PDZD2: variants seen among roughly 807,000 people sequenced by gnomAD.
PDZD2 encodes the protein PDZ domain-containing protein 2.
PDZD2 carries 90 observed loss-of-function variants against 220.7 expected under a neutral mutation model. The ratio of observed to expected loss-of-function variants is 0.41; its 90% CI spans 0.34 to 0.49. The LOEUF is 0.49. PDZD2 is among the 20% of genes least tolerant of loss of function. PDZD2 has a pLI of 0.28. For synonymous variants in PDZD2, 1,375 were observed against 1,450.5 expected (o/e 0.95, Z 1.18); for missense variants, 3,174 against 3,608.5 (o/e 0.88, Z 3.08).
intron 1 of PDZD2, among the ~76,000 whole-genome samples, chr5:31,689,351 A>G (rs867978905): frequency 3.5e-5 from 1 of 28,186 alleles, no homozygotes; most frequent in African/African-American, 3.0e-4. Context: ...ATATATATAT[A>G]TATTTTTTTT....
At chr5:31,928,355 C>G (rs903880718) in intron 2 of PDZD2, among the ~76,000 whole-genome samples, 2 of 152,186 alleles carry the variant, frequency 1.3e-5, no homozygotes, top group Non-Finnish European at 1.5e-5. Flanking sequence ...CTTCTCAAAC[C>G]CATTTGACCA....
At chr5:31,894,435 A>G (rs1052294664) in intron 2 of PDZD2, among the ~76,000 whole-genome samples, 16 of 152,056 alleles carry the variant, frequency 1.1e-4, no homozygotes, top group Admixed American at 9.8e-4. Context: ...GCTGAGTGAC[A>G]TCAAGGAGAT....
chr5:31,680,075 T>C (rs539907834), intron 1 of PDZD2, among the ~76,000 whole-genome samples: 58 of 152,362 alleles, frequency 3.8e-4, no homozygotes, highest in African/African-American at 1.4e-3. Flanking sequence ...ATATTTATAA[T>C]GCCTCGCATT....
chr5:31,859,012 G>A (rs895489844), intron 2 of PDZD2, among the ~76,000 whole-genome samples: 1 of 152,074 alleles, frequency 6.6e-6, no homozygotes, highest in Non-Finnish European at 1.5e-5. Flanking sequence ...CCCGAGCCCA[G>A]CCAAGGTTTT....
At chr5:31,743,967 C>T (rs886174079) in intron 1 of PDZD2, 1 of 152,220 alleles carries the variant, frequency 6.6e-6, no homozygotes, top group Admixed American at 6.5e-5. Flanking sequence ...ATAGAGTTTT[C>T]TGTCCTAGTC....
At chr5:31,669,521 C>T (rs1419925777) in intron 1 of PDZD2, among the ~76,000 whole-genome samples, 2 of 152,116 alleles carry the variant, frequency 1.3e-5, no homozygotes, top group African/African-American at 4.8e-5. Flanking sequence ...TTGGCTCTTG[C>T]CACACTTTCC....
At position 31,711,751 on chromosome 5, in the gene PDZD2, G is replaced by A. The variant is rs1039813479; in HGVS notation, c.-361+72314G>A. Among the ~76,000 whole-genome samples the A allele has an allele frequency of 5.3e-5, 8 of 152,146 alleles. No individual in the cohort carries two copies. In the South Asian group the frequency reaches 1.5e-3, roughly 28 times the overall value. ...ACTTCAGCAGGACAAGCCCCTCCCCGATCCACGATTGCCCGTGGCTGGAGC... is the reference window on the plus strand; with the variant it reads ...ACTTCAGCAGGACAAGCCCCTCCCCAATCCACGATTGCCCGTGGCTGGAGC... On this transcript the variant is annotated intron_variant, in intron 1 of 24. Coordinates refer to ENST00000438447, the MANE Select transcript of PDZD2 (RefSeq NM_178140.4).
At chr5:31,928,731 C>A (rs891120037) in intron 2 of PDZD2, among the ~76,000 whole-genome samples, 16 of 152,120 alleles carry the variant, frequency 1.1e-4, no homozygotes, top group African/African-American at 3.9e-4. Flanking sequence ...CTCGACTTCC[C>A]AAAGTGTTGG....
Position 31,879,158 on chromosome 5 carries a change from C to T in PDZD2, c.476+79434C>T, listed in dbSNP as rs544873184. Reference sequence around the variant, plus strand: ...ATCCCAGCACTTTGGGAGGCCGAGGCGGGCGGATCACGAGGTCAAGAGATC... The same window carrying T: ...ATCCCAGCACTTTGGGAGGCCGAGGTGGGCGGATCACGAGGTCAAGAGATC... On this transcript the variant is annotated intron_variant, in intron 2 of 24. Transcript: ENST00000438447. 7.6e-4 allele frequency among the ~76,000 whole-genome samples: 115 copies of T among 151,674 alleles called. 2 individuals are homozygous for T. In the South Asian group the frequency reaches 0.018, roughly 24 times the overall value.
chr5:31,728,958 G>A (rs1749342400), intron 1 of PDZD2, among the ~76,000 whole-genome samples: 2 of 152,060 alleles, frequency 1.3e-5, no homozygotes, highest in African/African-American at 4.8e-5. Flanking sequence ...GGGTTCAGGC[G>A]ATTCTTGTGC....
chr5:32,031,544 T>A (rs2112195367), intron 6 of PDZD2, among the ~76,000 whole-genome samples: 1 of 152,326 alleles, frequency 6.6e-6, no homozygotes, highest in South Asian at 2.1e-4. Context: ...TCAAAGAAGA[T>A]GGCATGTCTT....
intron 2 of PDZD2, among the ~76,000 whole-genome samples, chr5:31,809,350 CTGA>C (rs1754945164): frequency 6.6e-6 from 1 of 152,322 alleles, no homozygotes; most frequent in Non-Finnish European, 1.5e-5. Flanking sequence ...TGCTGTTTGG[CTGA>C]TGTTTTCAGC....
At chr5:32,065,028 A>C (rs1267170457) in intron 14 of PDZD2, among the ~76,000 whole-genome samples, 1 of 148,972 alleles carries the variant, frequency 6.7e-6, no homozygotes. Flanking sequence ...GGCCGGGTGC[A>C]GTGGCTCATG....
At chr5:32,013,917 G>A (rs1184036016) in intron 6 of PDZD2, among the ~76,000 whole-genome samples, 3 of 152,166 alleles carry the variant, frequency 2.0e-5, no homozygotes, top group Non-Finnish European at 2.9e-5. Flanking sequence ...TGCAGCCCAG[G>A]GGAACCAGGC....
intron 1 of PDZD2, chr5:31,725,887 A>T: frequency 1.3e-6 from 1 of 747,402 alleles, no homozygotes; most frequent in Non-Finnish European, 2.4e-6. Context: ...TTTTTCTAGG[A>T]CTATACAATC....
At chr5:31,766,942 G>A (rs1752058153) in intron 1 of PDZD2, among the ~76,000 whole-genome samples, 1 of 149,266 alleles carries the variant, frequency 6.7e-6, no homozygotes, top group Non-Finnish European at 1.5e-5. Flanking sequence ...TGGGCAGGCT[G>A]TTCTCCAACT....
Position 31,646,795 on chromosome 5 carries a change from T to C in PDZD2, c.-361+7358T>C, listed in dbSNP as rs564294091. On this transcript the variant is annotated intron_variant, in intron 1 of 24. Transcript: ENST00000438447. This position sits in a 1 kb window ranked among gnomAD's most constrained non-coding sequence, Gnocchi z 4.7. ...CTCCACAGTTTGCCACTGCCCACTC[T>C]CCACTCCTACCCCGCCCTGGCCACC... 6.6e-5 allele frequency among the ~76,000 whole-genome samples: 10 copies of C among 152,218 alleles called. No individual in the cohort carries two copies. Among genetic ancestry groups the C allele is most frequent in the Non-Finnish European group, 1.5e-4 (10 of 67,996 alleles).
chr5:32,054,312 CTTTTT>C (rs57135705), intron 10 of PDZD2, among the ~76,000 whole-genome samples: 12,365 of 69,068 alleles, frequency 0.18, 898 homozygotes, highest in Admixed American at 0.26. Flanking sequence ...AAATGAACAT[CTTTTT>C]TTTTTTTTTT....
intron 2 of PDZD2, chr5:31,847,734 T>C: frequency 3.4e-6 from 2 of 596,520 alleles, no homozygotes; most frequent in South Asian, 2.7e-5. Context: ...CCACTGACAA[T>C]ACAGTTTTGG....
Sources: allele counts gnomAD v4.1 joint callset (sites outside exome capture counted in the v4.1 genomes callset), GRCh38; gene constraint gnomAD v4.1.1; non-coding constraint Gnocchi (gnomAD v3.1); transcripts MANE v1.5; gene names NCBI Gene and HGNC (gene_info 2026-07-23, HGNC 2026-07-21).